DPF3: variants seen among roughly 807,000 people sequenced by gnomAD.
DPF3 encodes double PHD fingers 3, also known as zinc finger protein DPF3.
A neutral mutation model predicts 56.8 loss-of-function variants in DPF3; 18 were observed. The observed-to-expected ratio is 0.32, with a 90% CI of 0.22 to 0.47. The LOEUF (loss-of-function observed/expected upper bound fraction) is 0.47, where lower values mean the gene tolerates loss of function less well. Ranked by LOEUF, DPF3 falls within the 20% of genes least tolerant of loss-of-function variation. The probability of loss-of-function intolerance (pLI) is 1.00; values close to 1 mark genes in which losing one functional copy is unlikely to be tolerated. For missense variants in DPF3, 403 were observed against 488.8 expected, an observed-to-expected ratio of 0.82 and a Z score of 1.65; for synonymous variants, 188 against 180.2, an observed-to-expected ratio of 1.04 and a Z score of -0.35.
intron 5 of DPF3, among the ~76,000 whole-genome samples, chr14:72,720,010 C>T (rs1889099498): frequency 6.6e-6 from 1 of 151,872 alleles, no homozygotes; most frequent in African/African-American, 2.4e-5. Context: ...AGTGCAGACT[C>T]TAATTCTCAT....
chr14:72,619,197 G>A lies in DPF3; in HGVS notation c.*100C>T. On this transcript the variant is annotated 3_prime_UTR_variant, in exon 11 of 11. Transcript: ENST00000556509. ...TCTGGGACTATTTCTTTTCCTTGCAGTTGGTCTGGCTGGATATGTGGGAGG... is the reference window on the plus strand; with the variant it reads ...TCTGGGACTATTTCTTTTCCTTGCAATTGGTCTGGCTGGATATGTGGGAGG... The A allele has an allele frequency of 8.3e-7, 1 of 1,203,498 alleles. No individual in the cohort carries two copies. The allele number at this position is 1,203,498 out of a possible 1,614,324, so 74.6% of individuals were successfully genotyped here.
chr14:72,635,965 A>G (rs981427321), intron 8 of DPF3, among the ~76,000 whole-genome samples: 1 of 152,256 alleles, frequency 6.6e-6, no homozygotes, highest in Non-Finnish European at 1.5e-5. Context: ...TTGTGAAATT[A>G]TAAACATCTA....
chr14:72,824,847 C>T (rs989244546), intron 1 of DPF3, among the ~76,000 whole-genome samples: 1 of 151,932 alleles, frequency 6.6e-6, no homozygotes, highest in Non-Finnish European at 1.5e-5. Flanking sequence ...GCTGGGATTA[C>T]AGGCGTGAGC....
At chr14:72,800,565 G>C (rs1892841688) in intron 1 of DPF3, among the ~76,000 whole-genome samples, 3 of 151,826 alleles carry the variant, frequency 2.0e-5, no homozygotes, top group African/African-American at 7.3e-5. Context: ...TGGATGCATG[G>C]ATGCATGCAT....
At position 72,629,706 on chromosome 14, in the gene DPF3, T is replaced by C; in HGVS notation, c.902A>G (p.Asn301Ser). ...GHPTCLQFTL[N>S]MTEAVKTYKW... ...GTAGGTCTTGACAGCCTCGGTCATG[T>C]TCAGGGTAAACTGCAGGCAGGTTGG... The change falls in exon 9 of 11, where the codon AAC becomes AGC. Residue 301 changes from asparagine to serine, a missense_variant. Asn to Ser is a conservative substitution (Grantham distance 46, BLOSUM62 1). Around this residue, in one of 2 missense-constraint regions of DPF3, gnomAD observed 63 missense variants for 114.4 expected, o/e 0.55. Transcript: ENST00000556509. 1 of 1,536,086 alleles carries C rather than the reference T, an allele frequency of 6.5e-7. No homozygotes were observed.
chr14:72,721,768 A>G (rs1889183216), intron 5 of DPF3, among the ~76,000 whole-genome samples: 1 of 152,202 alleles, frequency 6.6e-6, no homozygotes, highest in South Asian at 2.1e-4. Context: ...ACACAAGCAC[A>G]CACCTTGAAT....
intron 6 of DPF3, among the ~76,000 whole-genome samples, chr14:72,698,557 C>T (rs764248080): frequency 5.3e-5 from 8 of 152,076 alleles, no homozygotes; most frequent in Admixed American, 2.0e-4. Context: ...TGTGGTGGTG[C>T]GCACCTATAG....
chr14:72,705,721 T>C (rs75027176), intron 6 of DPF3, among the ~76,000 whole-genome samples: 4 of 152,300 alleles, frequency 2.6e-5, no homozygotes, highest in South Asian at 2.1e-4. Context: ...CATCAACAGT[T>C]TGGAAGCACC....
At chr14:72,883,943 G>A (rs199594066) in intron 1 of DPF3, among the ~76,000 whole-genome samples, 67 of 127,178 alleles carry the variant, frequency 5.3e-4, no homozygotes, top group East Asian at 9.7e-4. Flanking sequence ...AAAAAAAAAA[G>A]AAAAAGAAAA....
intron 1 of DPF3, among the ~76,000 whole-genome samples, chr14:72,867,386 G>C (rs1355982833): frequency 2.6e-5 from 4 of 152,124 alleles, no homozygotes; most frequent in African/African-American, 9.7e-5. Context: ...TAGATAGTGA[G>C]GAAGAACCCC....
intron 4 of DPF3, 58 bp from the exon 5 acceptor site, chr14:72,723,786 T>C (rs1889282137): frequency 1.4e-6 from 2 of 1,474,752 alleles, no homozygotes; most frequent in Admixed American, 2.2e-5. Context: ...GGAAAAACCA[T>C]CAGAGAGTAA....
At chr14:72,748,034 C>T (rs1393180726) in intron 3 of DPF3, among the ~76,000 whole-genome samples, 3 of 152,106 alleles carry the variant, frequency 2.0e-5, no homozygotes, top group Non-Finnish European at 4.4e-5. Flanking sequence ...AAAAGATACC[C>T]GAAAATATGG....
rs530608017 is a variant in DPF3, at chr14:72,810,866, C to T, written c.33-38973G>A. Among the ~76,000 whole-genome samples, 6 of 152,274 alleles carry T rather than the reference C, an allele frequency of 3.9e-5. No individual in the cohort carries two copies. In the South Asian group the frequency reaches 1.2e-3, roughly 32 times the overall value. Reference sequence around the variant, plus strand: ...TGAAGTCACACTGGAATAGAGTGAGCCCTAATCTTACAGGACTAGTGAGTT... The same window carrying T: ...TGAAGTCACACTGGAATAGAGTGAGTCCTAATCTTACAGGACTAGTGAGTT... On this transcript the variant is annotated intron_variant, in intron 1 of 10. Coordinates refer to ENST00000556509, the MANE Select transcript of DPF3 (RefSeq NM_001280542.3).
chr14:72,861,095 C>A (rs1885388326), intron 1 of DPF3, among the ~76,000 whole-genome samples: 1 of 151,744 alleles, frequency 6.6e-6, no homozygotes, highest in South Asian at 2.1e-4. Context: ...CCTTTCTCTC[C>A]ATCCCCCTAT....
intron 1 of DPF3, among the ~76,000 whole-genome samples, chr14:72,829,529 T>C (rs1218230162): frequency 2.7e-5 from 4 of 146,382 alleles, no homozygotes; most frequent in East Asian, 4.2e-4. Context: ...GGATTACAGG[T>C]GCCCACCACC....
intron 8 of DPF3, chr14:72,670,196 GATGTCTCCTTCTAT>G (rs1886606911): frequency 1.0e-6 from 1 of 985,918 alleles, no homozygotes; most frequent in African/African-American, 1.7e-5. Context: ...AACACACGAT[GATGTCTCCTTCTAT>G]CTTCCAGAAG....
rs529826748 is a variant in DPF3 at position 72,804,361 on chromosome 14, C to T, written c.33-32468G>A. Among the ~76,000 whole-genome samples, 40 of 152,208 alleles carry T rather than the reference C, an allele frequency of 2.6e-4. No individual in the cohort carries two copies. The South Asian group carries it at 7.7e-3, about 29-fold the overall frequency. The stretch of plus-strand genomic sequence containing the variant: ...CAACCTATAATTATCCTAGGAGAAG[C>T]GATGGCGAAGTCAAGGCATTATGTG... On this transcript the variant is annotated intron_variant, in intron 1 of 10. Coordinates refer to ENST00000556509, the MANE Select transcript of DPF3 (RefSeq NM_001280542.3).
At chr14:72,893,033 G>A (rs1409528734) in intron 1 of DPF3, among the ~76,000 whole-genome samples, 1 of 149,532 alleles carries the variant, frequency 6.7e-6, no homozygotes, top group Non-Finnish European at 1.5e-5. Flanking sequence ...GGATGAAAAG[G>A]AGGAGGAAGG....
At position 72,714,415 on chromosome 14, in the gene DPF3, A is replaced by G. The variant is rs770211320; in HGVS notation, c.604+8T>C. 2 of 1,613,794 alleles carry G rather than the reference A, an allele frequency of 1.2e-6. No homozygotes were observed. The highest frequency in any genetic ancestry group is 3.3e-5 in the Admixed American group (2 of 60,006). ...GGAGGAAGGAAGGTGGGACCGGCCC[A>G]TACTTACTGTCACAGACGTAAGGTT... On this transcript the variant is annotated splice_region_variant and intron_variant, in intron 6 of 10. Transcript: ENST00000556509.
Sources: gnomAD v4.1 joint callset for allele counts (sites outside exome capture counted in the v4.1 genomes callset) on GRCh38, gnomAD v4.1.1 for gene constraint, gnomAD v4.1.1 regional missense constraint, MANE v1.5 for transcripts, NCBI Gene and HGNC (gene_info 2026-07-23, HGNC 2026-07-21) for gene names.